Variants in BARX2 observed in about 807,000 individuals in gnomAD.
BARX2 encodes BARX homeobox 2.
In BARX2, 11 loss-of-function variants were observed where a neutral mutation model predicts 25.5. The ratio of observed to expected loss-of-function variants is 0.43; its 90% CI spans 0.27 to 0.71. The LOEUF is 0.71. Ranked by LOEUF, BARX2 falls within the 30% of genes least tolerant of loss-of-function variation. The pLI is 0.19. For synonymous variants in BARX2, 137 were observed against 149.5 expected, an observed-to-expected ratio of 0.92 and a Z score of 0.61; for missense variants, 360 against 359.9, an observed-to-expected ratio of 1.00 and a Z score of 0.00.
chr11:129,380,457 G>C (rs115776058), intron 1 of BARX2, among the ~76,000 whole-genome samples: 2 of 152,218 alleles, frequency 1.3e-5, no homozygotes, highest in Admixed American at 1.3e-4. Flanking sequence ...GTTAGCTCTG[G>C]TGACTCTCCA....
intron 1 of BARX2, among the ~76,000 whole-genome samples, chr11:129,385,413 G>T (rs974780707): frequency 1.3e-5 from 2 of 152,054 alleles, no homozygotes; most frequent in Non-Finnish European, 2.9e-5. Flanking sequence ...GAAGGAAAAA[G>T]GTTAAAATAA....
chr11:129,382,242 G>A (rs925566651), intron 1 of BARX2, among the ~76,000 whole-genome samples: 8 of 152,080 alleles, frequency 5.3e-5, no homozygotes, highest in Admixed American at 1.3e-4. Context: ...GCAGTGGGGC[G>A]ATCTTGGCTC....
chr11:129,399,841 C>T (rs1861758585), intron 1 of BARX2, among the ~76,000 whole-genome samples: 1 of 152,144 alleles, frequency 6.6e-6, no homozygotes, highest in African/African-American at 2.4e-5. Flanking sequence ...CTGGGTGCTG[C>T]CTGGCAATGG....
chr11:129,442,217 G>A (rs750361145), intron 2 of BARX2, among the ~76,000 whole-genome samples: 9 of 152,132 alleles, frequency 5.9e-5, no homozygotes, highest in Non-Finnish European at 1.2e-4. Context: ...GCAGTGTGAT[G>A]GGCACTTTCA....
chr11:129,440,940 A>G lies in BARX2; in HGVS notation c.489-1895A>G, dbSNP rs2135414089. Among the ~76,000 whole-genome samples the G allele has an allele frequency of 2.0e-5, 3 of 152,330 alleles. 1 individual carries two copies. The Middle Eastern group carries it at 0.01, about 518-fold the overall frequency. On this transcript the variant is annotated intron_variant, in intron 2 of 3. Transcript: ENST00000281437. ...TGGGGGTTGCTGCCCAAGCTCTGTC[A>G]GGGGTGATTGTCCCAAGCTGCTGCA...
chr11:129,446,706 G>A lies in BARX2; in HGVS notation c.573+3787G>A, dbSNP rs1391662124. On this transcript the variant is annotated intron_variant, in intron 3 of 3. Transcript: ENST00000281437. Reference sequence around the variant, plus strand: ...GAGCATTTGTCCTTTCTCAGTCCCTGCTCCCCAGTCATCTCCAAGTCAGCG... The same window carrying A: ...GAGCATTTGTCCTTTCTCAGTCCCTACTCCCCAGTCATCTCCAAGTCAGCG... Among the ~76,000 whole-genome samples the A allele has an allele frequency of 8.5e-5, 13 of 152,274 alleles. No individual in the cohort carries two copies. The East Asian group carries it at 2.3e-3, about 27-fold the overall frequency.
intron 1 of BARX2, among the ~76,000 whole-genome samples, chr11:129,424,231 C>T (rs1482004683): frequency 6.6e-6 from 1 of 152,196 alleles, no homozygotes; most frequent in African/African-American, 2.4e-5. Context: ...TGAATTTATG[C>T]ATTCATCTCA....
rs1025121885 is a variant in BARX2 at position 129,436,412 on chromosome 11, C to G, written c.188-339C>G. The stretch of plus-strand genomic sequence containing the variant: ...GGGTTTCTGAAATATGTGTCTCTAG[C>G]TTTTCCTGACTACTTCTTTTCATCT... On this transcript the variant is annotated intron_variant, in intron 1 of 3. Coordinates refer to ENST00000281437, the MANE Select transcript of BARX2 (RefSeq NM_003658.5). This position sits in a 1 kb window ranked among gnomAD's most constrained non-coding sequence, Gnocchi z 4.5. The G allele has an allele frequency of 3.3e-6, 1 of 300,764 alleles. No individual in the cohort carries two copies. Among genetic ancestry groups the G allele is most frequent in the Non-Finnish European group, 6.1e-6 (1 of 164,012 alleles). The allele number at this position is 300,764 out of a possible 1,614,324, so 18.6% of individuals were successfully genotyped here. A position where few individuals can be genotyped will look rare whatever the true frequency, so the allele number is the denominator to read the frequency against.
chr11:129,439,109 T>G (rs1862226426), intron 2 of BARX2, among the ~76,000 whole-genome samples: 3 of 152,038 alleles, frequency 2.0e-5, no homozygotes, highest in Admixed American at 6.6e-5. Flanking sequence ...GGAGGTGACA[T>G]GATCAGACTT....
At chr11:129,382,258 A>C (rs918557638) in intron 1 of BARX2, among the ~76,000 whole-genome samples, 1 of 152,146 alleles carries the variant, frequency 6.6e-6, no homozygotes, top group South Asian at 2.1e-4. Flanking sequence ...GGCTCACTGC[A>C]ACCTCTGCTT....
At chr11:129,447,818 A>C (rs1862349207) in intron 3 of BARX2, among the ~76,000 whole-genome samples, 1 of 152,094 alleles carries the variant, frequency 6.6e-6, no homozygotes, top group Admixed American at 6.5e-5. Context: ...TGATTACTAC[A>C]TGGGGCAACT....
In BARX2 at chr11:129,451,522, G is replaced by A. The variant is rs544528733; in HGVS notation, c.*120G>A. ...AAACTGCGGGCGAAGAGATCTACCC[G>A]TCTCCCTCCCTCCCACAGTTACCAT... is the stretch of plus-strand genomic sequence containing the variant. On this transcript the variant is annotated 3_prime_UTR_variant, in exon 4 of 4. Transcript: ENST00000281437. 105 of 1,163,420 alleles carry A rather than the reference G, an allele frequency of 9.0e-5. No individual in the cohort carries two copies. The East Asian group carries it at 1.4e-3, about 16-fold the overall frequency. The allele number at this position is 1,163,420 out of a possible 1,614,324, so 72.1% of individuals were successfully genotyped here.
chr11:129,399,882 CTT>C, intron 1 of BARX2, among the ~76,000 whole-genome samples: 1 of 152,262 alleles, frequency 6.6e-6, no homozygotes, highest in East Asian at 1.9e-4. Context: ...GTGGTCATGT[CTT>C]ATGGGAAGCT....
rs1861498109 is a variant in BARX2, at chr11:129,375,986, C to G, written c.-50C>G. The G allele has an allele frequency of 8.5e-7, 1 of 1,171,040 alleles. No homozygotes were observed. The highest frequency in any genetic ancestry group is 1.1e-6 in the Non-Finnish European group (1 of 945,256). The allele number at this position is 1,171,040 out of a possible 1,614,324, so 72.5% of individuals were successfully genotyped here. On this transcript the variant is annotated 5_prime_UTR_variant, in exon 1 of 4. Transcript: ENST00000281437. The surrounding 1 kb of genome is among the most constrained non-coding windows in gnomAD (Gnocchi z 4.0). The stretch of plus-strand genomic sequence containing the variant: ...CGCCAGCCCCGCGGCCCCAGCGGGC[C>G]GGGCACTCGCAGCCGCGCTCGGGCC...
chr11:129,445,657 C>T (rs1303441234), intron 3 of BARX2, among the ~76,000 whole-genome samples: 3 of 152,134 alleles, frequency 2.0e-5, no homozygotes, highest in African/African-American at 7.2e-5. Context: ...TTCATCAGGC[C>T]ATGGAGATGC....
At chr11:129,426,994 A>C (rs1407663993) in intron 1 of BARX2, among the ~76,000 whole-genome samples, 2 of 152,220 alleles carry the variant, frequency 1.3e-5, no homozygotes, top group Non-Finnish European at 1.5e-5. Context: ...CGACTCTGCT[A>C]CTGCTGAATC....
intron 3 of BARX2, among the ~76,000 whole-genome samples, chr11:129,444,699 G>A (rs1283230439): frequency 6.6e-6 from 1 of 152,134 alleles, no homozygotes; most frequent in Non-Finnish European, 1.5e-5. Flanking sequence ...GTGGCCGGGA[G>A]AAGTTGAAAT....
intron 1 of BARX2, among the ~76,000 whole-genome samples, chr11:129,416,193 A>G (rs1319984893): frequency 6.6e-6 from 1 of 152,170 alleles, no homozygotes; most frequent in East Asian, 1.9e-4. Context: ...TTTAAATCTT[A>G]GCACTGTGAC....
chr11:129,401,191 A>G (rs570626817), intron 1 of BARX2, among the ~76,000 whole-genome samples: 2 of 152,356 alleles, frequency 1.3e-5, no homozygotes, highest in East Asian at 3.9e-4. Flanking sequence ...GTTAATGGGA[A>G]ATGAGACGGT....
Sources: allele counts gnomAD v4.1 joint callset (sites outside exome capture counted in the v4.1 genomes callset), GRCh38; gene constraint gnomAD v4.1.1; non-coding constraint Gnocchi (gnomAD v3.1); transcripts MANE v1.5; gene names NCBI Gene and HGNC (gene_info 2026-07-23, HGNC 2026-07-21).